Variants in HEMK2 observed in about 807,000 individuals in gnomAD.
HEMK2 encodes the protein methyltransferase HEMK2.
At chr21:28,648,705 G>A in the HEMK2 span, among the ~76,000 whole-genome samples, 4 of 152,126 alleles carry the variant, frequency 2.6e-5, no homozygotes, top group Non-Finnish European at 1.5e-5. Flanking sequence ...GTATGTCAAT[G>A]GCAGAGCAAG....
At chr21:28,641,993 C>G in the HEMK2 span, among the ~76,000 whole-genome samples, 1 of 152,146 alleles carries the variant, frequency 6.6e-6, no homozygotes, top group Non-Finnish European at 1.5e-5. Context: ...CATCAGTTAG[C>G]CAAATGTACA....
chr21:28,614,650 T>A, the HEMK2 span, among the ~76,000 whole-genome samples: 1 of 152,178 alleles, frequency 6.6e-6, no homozygotes, highest in African/African-American at 2.4e-5. Context: ...AGTCCTTATA[T>A]AAATTAGATT....
the HEMK2 span, among the ~76,000 whole-genome samples, chr21:28,731,719 C>T: frequency 1.3e-5 from 2 of 151,190 alleles, no homozygotes; most frequent in Admixed American, 1.3e-4. Flanking sequence ...AGCTAACCTG[C>T]ACATTGTGCA....
At chr21:28,802,316 A>T in the HEMK2 span, among the ~76,000 whole-genome samples, 1 of 152,220 alleles carries the variant, frequency 6.6e-6, no homozygotes, top group Non-Finnish European at 1.5e-5. Context: ...AATAAAAGGA[A>T]GAGAAATAAG....
the HEMK2 span, among the ~76,000 whole-genome samples, chr21:28,779,842 C>T: frequency 2.6e-5 from 4 of 152,116 alleles, no homozygotes; most frequent in Non-Finnish European, 2.9e-5. Context: ...CCTCCTCTTT[C>T]AGTATGCAAA....
At chr21:28,804,437 T>C in the HEMK2 span, among the ~76,000 whole-genome samples, 1 of 152,162 alleles carries the variant, frequency 6.6e-6, no homozygotes, top group Non-Finnish European at 1.5e-5. Context: ...GAATATCTCA[T>C]ATAATTAAAT....
chr21:28,677,231 C>A, the HEMK2 span, among the ~76,000 whole-genome samples: 1 of 152,226 alleles, frequency 6.6e-6, no homozygotes, highest in African/African-American at 2.4e-5. Flanking sequence ...TCTTAGCAAA[C>A]GGCACAACAG....
At chr21:28,609,792 T>C in the HEMK2 span, among the ~76,000 whole-genome samples, 110 of 152,006 alleles carry the variant, frequency 7.2e-4, no homozygotes, top group African/African-American at 2.3e-3. Context: ...AGCAATAGAA[T>C]AGAACAAGGA....
chr21:28,617,795 T>C, the HEMK2 span, among the ~76,000 whole-genome samples: 23 of 152,010 alleles, frequency 1.5e-4, no homozygotes, highest in Non-Finnish European at 2.8e-4. Flanking sequence ...ACTGCCTTTT[T>C]TTTTTTTTTT....
chr21:28,647,339 A>C, the HEMK2 span, among the ~76,000 whole-genome samples: 1 of 107,916 alleles, frequency 9.3e-6, no homozygotes, highest in African/African-American at 5.8e-5. Context: ...AAAAAAAAAA[A>C]AAAAAAACAT....
chr21:28,622,722 C>G, the HEMK2 span, among the ~76,000 whole-genome samples: 1 of 152,250 alleles, frequency 6.6e-6, no homozygotes, highest in Non-Finnish European at 1.5e-5. Flanking sequence ...CAAAAACAAG[C>G]AATGGGAAAA....
At chr21:28,805,754 G>A in the HEMK2 span, among the ~76,000 whole-genome samples, 1 of 152,180 alleles carries the variant, frequency 6.6e-6, no homozygotes, top group East Asian at 1.9e-4. Context: ...TCTTTCGGCT[G>A]GGTAGATGCT....
the HEMK2 span, among the ~76,000 whole-genome samples, chr21:28,709,137 A>C: frequency 6.6e-6 from 1 of 152,170 alleles, no homozygotes; most frequent in Admixed American, 6.6e-5. Flanking sequence ...GCTCCACCCT[A>C]GTGACCTAAT....
the HEMK2 span, among the ~76,000 whole-genome samples, chr21:28,676,266 G>C: frequency 6.6e-6 from 1 of 152,138 alleles, no homozygotes; most frequent in Admixed American, 6.5e-5. Context: ...TCTTTAGCTG[G>C]TAGATTCCTG....
chr21:28,654,000 G>C, the HEMK2 span, among the ~76,000 whole-genome samples: 2 of 152,120 alleles, frequency 1.3e-5, no homozygotes, highest in South Asian at 4.1e-4. Context: ...TGCAAACTGT[G>C]TTTACCAACT....
At chr21:28,577,432 C>T in the HEMK2 span, 1 of 152,168 alleles carries the variant, frequency 6.6e-6, no homozygotes, top group South Asian at 2.1e-4. Context: ...AAGACAAAAA[C>T]ATAAAATTAC....
the HEMK2 span, among the ~76,000 whole-genome samples, chr21:28,693,793 C>T: frequency 6.6e-6 from 1 of 152,122 alleles, no homozygotes; most frequent in Non-Finnish European, 1.5e-5. Context: ...ATCTAGCTAT[C>T]TAAGATGCAC....
the HEMK2 span, among the ~76,000 whole-genome samples, chr21:28,713,405 A>G: frequency 6.6e-6 from 1 of 152,164 alleles, no homozygotes; most frequent in Non-Finnish European, 1.5e-5. Flanking sequence ...GATAAAGTGA[A>G]GTGGCCTCTG....
the HEMK2 span, among the ~76,000 whole-genome samples, chr21:28,695,601 C>A: frequency 2.0e-5 from 3 of 151,964 alleles, no homozygotes; most frequent in Non-Finnish European, 4.4e-5. Flanking sequence ...CCATGAGAAC[C>A]GCCCCCATGA....
Sources: gnomAD v4.1 joint callset for allele counts (sites outside exome capture counted in the v4.1 genomes callset) on GRCh38, gnomAD v4.1.1 for gene constraint, MANE v1.5 for transcripts, NCBI Gene and HGNC (gene_info 2026-07-23, HGNC 2026-07-21) for gene names.